Variants in MAGI2 observed in about 807,000 individuals in gnomAD.
The protein encoded by MAGI2 is membrane-associated guanylate kinase, WW and PDZ domain-containing protein 2.
In MAGI2, 35 loss-of-function variants were observed where a neutral mutation model predicts 133.3. That is an observed-to-expected ratio of 0.26 (90% CI 0.20 to 0.35). MAGI2 has a LOEUF of 0.35. Ranked by LOEUF, MAGI2 falls within the 10% of genes least tolerant of loss-of-function variation. The pLI is 1.00. For missense variants in MAGI2, 1,636 were observed against 1,863.4 expected (o/e 0.88, Z 2.25); for synonymous variants, 729 against 710.6 (o/e 1.03, Z -0.41).
chr7:78,044,498 T>C (rs1011485825), intron 21 of MAGI2, among the ~76,000 whole-genome samples: 2 of 152,166 alleles, frequency 1.3e-5, no homozygotes, highest in African/African-American at 4.8e-5. Flanking sequence ...GGAGTTTTAG[T>C]ATAGCTTTTT....
At chr7:79,088,811 T>C (rs112935314) in intron 1 of MAGI2, among the ~76,000 whole-genome samples, 5,659 of 152,142 alleles carry the variant, frequency 0.037, 228 homozygotes, top group African/African-American at 0.1. Context: ...ATGGATTATG[T>C]TTATTGATTT....
At chr7:79,294,508 A>C (rs1484414858) in intron 1 of MAGI2, among the ~76,000 whole-genome samples, 1 of 151,964 alleles carries the variant, frequency 6.6e-6, no homozygotes, top group Non-Finnish European at 1.5e-5. Flanking sequence ...CCATCCTCTC[A>C]GTGCACAGGC....
At chr7:78,510,131 T>C (rs996314399) in intron 4 of MAGI2, among the ~76,000 whole-genome samples, 1 of 152,226 alleles carries the variant, frequency 6.6e-6, no homozygotes, top group Admixed American at 6.5e-5. Flanking sequence ...TAGGAATAAT[T>C]TGAAATGTAA....
At chr7:78,802,046 C>T (rs563835451) in intron 2 of MAGI2, among the ~76,000 whole-genome samples, 2 of 152,264 alleles carry the variant, frequency 1.3e-5, no homozygotes, top group East Asian at 3.9e-4. Context: ...TTCTGTTCTT[C>T]CAGATCAAGG....
intron 2 of MAGI2, among the ~76,000 whole-genome samples, chr7:78,964,472 T>A (rs1249308920): frequency 6.6e-6 from 1 of 152,038 alleles, no homozygotes; most frequent in Non-Finnish European, 1.5e-5. Flanking sequence ...GCTTCCTCTT[T>A]TGTGATGCAA....
chr7:78,869,323 T>C (rs1794839869), intron 2 of MAGI2, among the ~76,000 whole-genome samples: 2 of 152,226 alleles, frequency 1.3e-5, no homozygotes, highest in African/African-American at 4.8e-5. Flanking sequence ...AAGAGTTTTA[T>C]TAATGTTATC....
intron 1 of MAGI2, among the ~76,000 whole-genome samples, chr7:79,186,705 GTATA>G (rs146881119): frequency 0.032 from 4,071 of 126,164 alleles, 113 homozygotes; most frequent in African/African-American, 0.068. Context: ...TTATACAAAA[GTATA>G]TATATATATT....
At chr7:78,216,928 C>T (rs1017963385) in intron 10 of MAGI2, among the ~76,000 whole-genome samples, 1 of 152,184 alleles carries the variant, frequency 6.6e-6, no homozygotes, top group Non-Finnish European at 1.5e-5. Flanking sequence ...TCTGTTCAGT[C>T]CTCACTCCTG....
At position 78,256,017 on chromosome 7, in the gene MAGI2, C is replaced by T. The variant is rs1410292426; in HGVS notation, c.1973G>A (p.Ser658Asn). 4.3e-6 allele frequency: 7 copies of T among 1,613,754 alleles called. No homozygotes were observed. Among genetic ancestry groups the T allele is most frequent in the East Asian group, 4.5e-5 (2 of 44,742 alleles). Residue 658 changes from serine (S) to asparagine (N), a missense_variant, in exon 10 of 22, where the codon AGC (serine) becomes AAC (asparagine). Ser to Asn is a conservative substitution (Grantham distance 46, BLOSUM62 1). Transcript: ENST00000354212. Reference sequence around the variant, plus strand: ...AAGTATATCCACTACTTCTGTATGGCTCAGGTTCTGTACATTCTGCTGGTT... The same window carrying T: ...AAGTATATCCACTACTTCTGTATGGTTCAGGTTCTGTACATTCTGCTGGTT... ...EINQQNVQNL[S>N]HTEVVDILKD...
At chr7:78,498,578 A>G (rs1233914054) in intron 5 of MAGI2, among the ~76,000 whole-genome samples, 1 of 152,202 alleles carries the variant, frequency 6.6e-6, no homozygotes, top group African/African-American at 2.4e-5. Context: ...ACAGTAAACC[A>G]TAGGCAGAGA....
chr7:78,363,959 G>A (rs1016420141), intron 7 of MAGI2, among the ~76,000 whole-genome samples: 1 of 152,226 alleles, frequency 6.6e-6, no homozygotes, highest in African/African-American at 2.4e-5. Context: ...TACTTGGCAT[G>A]CACGAAGTGC....
At chr7:78,745,241 A>G (rs10248911) in intron 2 of MAGI2, among the ~76,000 whole-genome samples, 103,449 of 151,996 alleles carry the variant, frequency 0.68, 35,752 homozygotes, top group African/African-American at 0.78. Flanking sequence ...CTGGAATGAA[A>G]AATGTACCAC....
intron 2 of MAGI2, among the ~76,000 whole-genome samples, chr7:78,786,726 C>T (rs1007176449): frequency 6.6e-6 from 1 of 152,146 alleles, no homozygotes; most frequent in African/African-American, 2.4e-5. Context: ...CAGGAAGCTG[C>T]TTTATTTTTC....
intron 1 of MAGI2, among the ~76,000 whole-genome samples, chr7:79,134,986 G>T (rs1237919963): frequency 6.6e-6 from 1 of 152,128 alleles, no homozygotes; most frequent in African/African-American, 2.4e-5. Context: ...AGTGTTATGG[G>T]GTTGGCTGGG....
intron 2 of MAGI2, among the ~76,000 whole-genome samples, chr7:78,963,425 T>C (rs1463864369): frequency 1.3e-5 from 2 of 152,088 alleles, no homozygotes; most frequent in Admixed American, 6.6e-5. Flanking sequence ...ATAAACATCC[T>C]CAAAACATCT....
At chr7:78,695,086 G>A (rs1012967413) in intron 2 of MAGI2, among the ~76,000 whole-genome samples, 5 of 152,180 alleles carry the variant, frequency 3.3e-5, no homozygotes, top group East Asian at 1.9e-4. Flanking sequence ...TTAGCTGGGC[G>A]TGGTGGCGGG....
At chr7:78,326,997 A>G (rs561077463) in intron 9 of MAGI2, among the ~76,000 whole-genome samples, 1 of 152,168 alleles carries the variant, frequency 6.6e-6, no homozygotes, top group Admixed American at 6.5e-5. Context: ...TTGTCTGGTG[A>G]ATGGTAACTG....
chr7:78,557,730 C>T, intron 3 of MAGI2, among the ~76,000 whole-genome samples: 1 of 152,176 alleles, frequency 6.6e-6, no homozygotes, highest in Non-Finnish European at 1.5e-5. Context: ...TACAGCCCTC[C>T]AAGGAACAAG....
chr7:79,293,268 A>G (rs1836645790), intron 1 of MAGI2, among the ~76,000 whole-genome samples: 1 of 152,196 alleles, frequency 6.6e-6, no homozygotes, highest in South Asian at 2.1e-4. Flanking sequence ...AGTGTTACAA[A>G]AAATGAAAAA....
Sources: allele counts gnomAD v4.1 joint callset (sites outside exome capture counted in the v4.1 genomes callset), GRCh38; gene constraint gnomAD v4.1.1; transcripts MANE v1.5; gene names NCBI Gene and HGNC (gene_info 2026-07-23, HGNC 2026-07-21).